The following RANBP2 variants were observed in gnomAD, a reference collection of about 807,000 sequenced individuals.
RANBP2 encodes RAN binding protein 2.
Under a neutral mutation model 303.6 loss-of-function variants are expected in RANBP2, and 57 were observed. The ratio of observed to expected loss-of-function variants is 0.19; its 90% confidence interval spans 0.15 to 0.23. The LOEUF is 0.23. Ranked by LOEUF, RANBP2 falls within the 10% of genes least tolerant of loss-of-function variation. The probability of loss-of-function intolerance (pLI) is 1.00; values close to 1 mark genes in which losing one functional copy is unlikely to be tolerated. For missense variants in RANBP2, 3,138 were observed against 3,780.8 expected, an observed-to-expected ratio of 0.83 and a Z score of 4.46; for synonymous variants, 1,167 against 1,301.5, an observed-to-expected ratio of 0.90 and a Z score of 2.23.
At chr2:108,826,481 T>C in the RANBP2 span, among the ~76,000 whole-genome samples, 1 of 152,166 alleles carries the variant, frequency 6.6e-6, no homozygotes, top group Admixed American at 6.5e-5. Context: ...TAGATACCCA[T>C]TTGTTTCAGC....
At chr2:109,600,190 T>C in the RANBP2 span, among the ~76,000 whole-genome samples, 12 of 152,316 alleles carry the variant, frequency 7.9e-5, no homozygotes, top group African/African-American at 2.2e-4. Context: ...CACTGCTCAA[T>C]TGGGCTTCCT....
intron 9 of RANBP2, among the ~76,000 whole-genome samples, chr2:108,750,380 C>G (rs549914633): frequency 6.6e-6 from 1 of 152,170 alleles, no homozygotes; most frequent in East Asian, 1.9e-4. Context: ...AACTTTTCCA[C>G]TGTTAATAAT....
chr2:109,178,753 G>A, the RANBP2 span, among the ~76,000 whole-genome samples: 1 of 152,116 alleles, frequency 6.6e-6, no homozygotes, highest in Non-Finnish European at 1.5e-5. Context: ...GTGTAGTTCT[G>A]GAAACTGCTT....
chr2:109,667,580 G>A, the RANBP2 span, among the ~76,000 whole-genome samples: 21 of 152,266 alleles, frequency 1.4e-4, no homozygotes, highest in Admixed American at 1.4e-3. Context: ...AGGTGGTTTT[G>A]CGGTAAAGGT....
chr2:109,053,519 G>A, the RANBP2 span, among the ~76,000 whole-genome samples: 75 of 152,312 alleles, frequency 4.9e-4, 1 homozygote, highest in Middle Eastern at 3.4e-3. Context: ...CAGCTGGAGC[G>A]CAAGTGGAGC....
chr2:108,842,381 G>A, the RANBP2 span, among the ~76,000 whole-genome samples: 1 of 152,006 alleles, frequency 6.6e-6, no homozygotes, highest in Admixed American at 6.6e-5. Context: ...GAGTTACATG[G>A]CAAACCTGGA....
the RANBP2 span, chr2:109,667,184 C>T: frequency 1.5e-6 from 2 of 1,321,742 alleles, no homozygotes; most frequent in African/African-American, 2.9e-5. Context: ...TTCCAAAAGC[C>T]TTGCAGAAAG....
chr2:108,963,868 A>T, the RANBP2 span, among the ~76,000 whole-genome samples: 1 of 152,154 alleles, frequency 6.6e-6, no homozygotes. Flanking sequence ...AGAGACACCC[A>T]CACACTCAGA....
At chr2:109,071,850 C>T in the RANBP2 span, among the ~76,000 whole-genome samples, 4 of 152,004 alleles carry the variant, frequency 2.6e-5, no homozygotes, top group Admixed American at 1.3e-4. Context: ...GGGCCAAGAG[C>T]AAACACAGGA....
At chr2:109,142,849 C>T in the RANBP2 span, among the ~76,000 whole-genome samples, 10 of 152,116 alleles carry the variant, frequency 6.6e-5, no homozygotes, top group Non-Finnish European at 1.5e-4. Flanking sequence ...CGTTTTCACT[C>T]TCTAAACTTA....
At chr2:109,567,783 A>G in the RANBP2 span, 1 of 1,527,106 alleles carries the variant, frequency 6.5e-7, no homozygotes, top group Non-Finnish European at 8.8e-7. Flanking sequence ...TTTCACATGG[A>G]AAACAGAATT....
At chr2:109,278,438 T>C in the RANBP2 span, among the ~76,000 whole-genome samples, 1 of 152,198 alleles carries the variant, frequency 6.6e-6, no homozygotes, top group Non-Finnish European at 1.5e-5. Flanking sequence ...TTCAGTGTTG[T>C]CTGTTCAGCT....
At chr2:109,364,291 T>C in the RANBP2 span, among the ~76,000 whole-genome samples, 2 of 152,236 alleles carry the variant, frequency 1.3e-5, no homozygotes, top group Non-Finnish European at 2.9e-5. Context: ...AAGGCATTCT[T>C]CATTTCTGCT....
the RANBP2 span, among the ~76,000 whole-genome samples, chr2:109,562,422 A>C: frequency 6.7e-6 from 1 of 149,132 alleles, no homozygotes; most frequent in Admixed American, 6.7e-5. Context: ...CCCACCCCTC[A>C]ACAGAGACTC....
the RANBP2 span, among the ~76,000 whole-genome samples, chr2:109,373,733 A>C: frequency 6.6e-6 from 1 of 152,174 alleles, no homozygotes; most frequent in Non-Finnish European, 1.5e-5. Context: ...ATGCTGCTGT[A>C]AAATGGTGTC....
the RANBP2 span, among the ~76,000 whole-genome samples, chr2:109,089,223 G>A: frequency 6.6e-6 from 1 of 152,160 alleles, no homozygotes; most frequent in Admixed American, 6.5e-5. Flanking sequence ...AATAAATCAT[G>A]AGAAAAACAT....
the RANBP2 span, among the ~76,000 whole-genome samples, chr2:109,365,066 A>G: frequency 2.0e-5 from 3 of 152,150 alleles, no homozygotes; most frequent in Non-Finnish European, 4.4e-5. Flanking sequence ...AAACAAACAA[A>G]CAAACAAACA....
the RANBP2 span, chr2:109,544,390 A>G: frequency 1.3e-6 from 2 of 1,541,420 alleles, no homozygotes; most frequent in Non-Finnish European, 1.7e-6. Flanking sequence ...ATTAGCAAAC[A>G]TGCATCTAGT....
At chr2:109,594,568 G>C in the RANBP2 span, 2 of 151,350 alleles carry the variant, frequency 1.3e-5, no homozygotes, top group South Asian at 2.1e-4. Flanking sequence ...ATACTACAGT[G>C]TGGTGTATAC....
Sources: allele counts gnomAD v4.1 joint callset (sites outside exome capture counted in the v4.1 genomes callset), GRCh38; gene constraint gnomAD v4.1.1; transcripts MANE v1.5; gene names NCBI Gene and HGNC (gene_info 2026-07-23, HGNC 2026-07-21).